Variants in NLGN1 observed in about 807,000 individuals in gnomAD.
The protein encoded by NLGN1 is neuroligin 1.
A neutral mutation model predicts 65.5 loss-of-function variants in NLGN1; 12 were observed. The ratio of observed to expected loss-of-function variants is 0.18; its 90% CI spans 0.12 to 0.30. The LOEUF (loss-of-function observed/expected upper bound fraction) is 0.30. Ranked by LOEUF, NLGN1 falls within the 10% of genes least tolerant of loss-of-function variation. NLGN1 has a pLI of 1.00. For missense variants in NLGN1, 750 were observed against 1,007.1 expected, an observed-to-expected ratio of 0.74 and a Z score of 3.46; for synonymous variants, 350 against 359.5, an observed-to-expected ratio of 0.97 and a Z score of 0.30.
At chr3:173,534,232 A>C (rs1313171550) in intron 2 of NLGN1, among the ~76,000 whole-genome samples, 3 of 152,166 alleles carry the variant, frequency 2.0e-5, no homozygotes, top group Admixed American at 2.0e-4. Flanking sequence ...CCACATAAAC[A>C]ACATATTACT....
chr3:174,139,449 A>AT (rs796733481), intron 4 of NLGN1, among the ~76,000 whole-genome samples: 48 of 147,684 alleles, frequency 3.3e-4, no homozygotes, highest in Admixed American at 9.5e-4. Flanking sequence ...TTGATAGCTT[A>AT]TTTTTTTTTT....
intron 4 of NLGN1, among the ~76,000 whole-genome samples, chr3:174,039,060 C>T (rs189152178): frequency 1.1e-4 from 16 of 152,178 alleles, no homozygotes; most frequent in African/African-American, 2.9e-4. Context: ...AAAAGCAATT[C>T]GCTTAGCGAG....
chr3:174,041,680 A>G (rs1206975680), intron 4 of NLGN1, among the ~76,000 whole-genome samples: 1 of 151,950 alleles, frequency 6.6e-6, no homozygotes, highest in African/African-American at 2.4e-5. Flanking sequence ...TTTACTTTTC[A>G]TTTCTCTAAT....
chr3:174,041,187 A>T (rs990668401), intron 4 of NLGN1, among the ~76,000 whole-genome samples: 3 of 152,062 alleles, frequency 2.0e-5, no homozygotes, highest in East Asian at 1.9e-4. Context: ...GATTTTTTTT[A>T]AATTGTTTAA....
chr3:174,181,227 C>T (rs543171280), intron 4 of NLGN1, among the ~76,000 whole-genome samples: 2 of 152,274 alleles, frequency 1.3e-5, no homozygotes, highest in South Asian at 2.1e-4. Flanking sequence ...TATGTCCACA[C>T]TCTCAGGCCT....
chr3:173,396,909 G>T (rs573294278), upstream of NLGN1, among the ~76,000 whole-genome samples: 1 of 152,256 alleles, frequency 6.6e-6, no homozygotes, highest in Non-Finnish European at 1.5e-5. Context: ...GTTTAAATGC[G>T]TCTCTCTTTC....
intron 1 of NLGN1, among the ~76,000 whole-genome samples, chr3:173,430,321 G>A (rs902574981): frequency 1.3e-5 from 2 of 151,992 alleles, no homozygotes; most frequent in African/African-American, 2.4e-5. Context: ...ATTGATTTTG[G>A]TTTTCTATGA....
At chr3:173,446,060 C>CTTT (rs554305581) in intron 2 of NLGN1, among the ~76,000 whole-genome samples, 8 of 145,214 alleles carry the variant, frequency 5.5e-5, no homozygotes, top group Non-Finnish European at 1.1e-4. Flanking sequence ...TTCTTTTTTT[C>CTTT]TTTTTTTTTT....
chr3:174,097,869 T>C lies in NLGN1; in HGVS notation c.647-177446T>C, dbSNP rs959605478. On this transcript the variant is annotated intron_variant, in intron 4 of 6. Transcript: ENST00000457714. ...CCAACACCAGTTCACCCTAAGAAGG[T>C]AGTGATTCATTGTCAGTGGGTGAGT... Among the ~76,000 whole-genome samples the C allele has an allele frequency of 2.6e-5, 4 of 152,216 alleles. No homozygotes were observed. In the East Asian group the frequency reaches 7.7e-4, roughly 29 times the overall value.
chr3:173,445,655 A>T (rs765657560), intron 2 of NLGN1, among the ~76,000 whole-genome samples: 1 of 152,196 alleles, frequency 6.6e-6, no homozygotes, highest in Non-Finnish European at 1.5e-5. Context: ...TTCCACATTA[A>T]ATGGCTTCAG....
intron 1 of NLGN1, among the ~76,000 whole-genome samples, chr3:173,424,777 T>C (rs1423777785): frequency 6.6e-6 from 1 of 152,192 alleles, no homozygotes; most frequent in Non-Finnish European, 1.5e-5. Flanking sequence ...TCAACAAGTC[T>C]CTAGGAAGTT....
chr3:174,172,990 C>T (rs1351315159), intron 4 of NLGN1, among the ~76,000 whole-genome samples: 8 of 152,022 alleles, frequency 5.3e-5, no homozygotes, highest in East Asian at 1.9e-4. Flanking sequence ...TCTGCAATTT[C>T]GTGCAGCAAC....
intron 4 of NLGN1, among the ~76,000 whole-genome samples, chr3:174,254,798 C>T (rs1745379832): frequency 7.0e-6 from 1 of 143,592 alleles, no homozygotes; most frequent in African/African-American, 2.5e-5. Context: ...TTATATAAAA[C>T]AGGCCTCACA....
upstream of NLGN1, among the ~76,000 whole-genome samples, chr3:173,397,009 T>A (rs1716733652): frequency 6.6e-6 from 1 of 152,146 alleles, no homozygotes; most frequent in South Asian, 2.1e-4. Context: ...TAAATAAGTG[T>A]TTTAAACATC....
intron 4 of NLGN1, among the ~76,000 whole-genome samples, chr3:173,856,947 G>A (rs1314554524): frequency 3.3e-5 from 5 of 151,462 alleles, no homozygotes; most frequent in Non-Finnish European, 2.9e-5. Context: ...ACCCAACAGT[G>A]CCCTGGCTCC....
chr3:173,795,846 A>C (rs1006214062), intron 3 of NLGN1, among the ~76,000 whole-genome samples: 5 of 152,106 alleles, frequency 3.3e-5, no homozygotes, highest in Non-Finnish European at 7.4e-5. Flanking sequence ...GCAATATCTT[A>C]AATTCTCTCA....
In NLGN1 at chr3:173,772,613, C is replaced by T. The variant is rs187119522; in HGVS notation, c.494-35067C>T. Among the ~76,000 whole-genome samples, 22 of 152,128 alleles carry T rather than the reference C, an allele frequency of 1.4e-4. No homozygotes were observed. The East Asian group carries it at 3.1e-3, about 21-fold the overall frequency. On this transcript the variant is annotated intron_variant, in intron 3 of 6. Transcript: ENST00000457714. ...AGCCTGGGCAACAGGAGTGAGATTC[C>T]GTCCCACTTAGATAACAATAAAAAC...
chr3:174,232,759 A>C (rs1740962056), intron 4 of NLGN1, among the ~76,000 whole-genome samples: 1 of 152,220 alleles, frequency 6.6e-6, no homozygotes, highest in African/African-American at 2.4e-5. Flanking sequence ...TTGGCTAGCA[A>C]AAGTGGCCTT....
At position 173,615,750 on chromosome 3, in the gene NLGN1, T is replaced by G. The variant is rs1357801790; in HGVS notation, c.493+10659T>G. Reference sequence around the variant, plus strand: ...AAAACTTTCCATCCATCTGTTTTTTTTTTTTTTTTTTAAAGCCTAAAGTGT... The same window carrying G: ...AAAACTTTCCATCCATCTGTTTTTTGTTTTTTTTTTTAAAGCCTAAAGTGT... On this transcript the variant is annotated intron_variant, in intron 3 of 6. Transcript: ENST00000457714. Among the ~76,000 whole-genome samples, 235 of 151,880 alleles carry G rather than the reference T, an allele frequency of 1.5e-3. 1 individual carries two copies. The East Asian group carries it at 0.031, about 20-fold the overall frequency.
Sources: allele counts gnomAD v4.1 joint callset (sites outside exome capture counted in the v4.1 genomes callset), GRCh38; gene constraint gnomAD v4.1.1; transcripts MANE v1.5; gene names NCBI Gene and HGNC (gene_info 2026-07-23, HGNC 2026-07-21).